The following ARHGAP25 variants were observed in gnomAD, a reference collection of about 807,000 sequenced individuals.
ARHGAP25 encodes the protein Rho GTPase activating protein 25.
In ARHGAP25, 34 loss-of-function variants were observed where a neutral mutation model predicts 71.0. The ratio of observed to expected loss-of-function variants is 0.48; its 90% CI spans 0.36 to 0.64. ARHGAP25 has a LOEUF of 0.64. Among genes scored for constraint, ARHGAP25 ranks in the 30% least tolerant of loss-of-function variants. The pLI, the probability that ARHGAP25 is intolerant of heterozygous loss-of-function variation, is 0.00. For missense variants in ARHGAP25, 706 were observed against 805.1 expected, an observed-to-expected ratio of 0.88 and a Z score of 1.49; for synonymous variants, 282 against 296.5, an observed-to-expected ratio of 0.95 and a Z score of 0.50.
intron 2 of ARHGAP25, among the ~76,000 whole-genome samples, chr2:68,779,803 C>T (rs1678189173): frequency 6.6e-6 from 1 of 152,202 alleles, no homozygotes; most frequent in South Asian, 2.1e-4. Context: ...TTCTTCCTTC[C>T]CTATCAGTGT....
At chr2:68,769,009 A>G (rs1677308179) in intron 1 of ARHGAP25, among the ~76,000 whole-genome samples, 1 of 152,166 alleles carries the variant, frequency 6.6e-6, no homozygotes, top group South Asian at 2.1e-4. Flanking sequence ...AGGCTACCTT[A>G]CCAGAGCCAC....
chr2:68,754,530 A>G (rs912101445), intron 1 of ARHGAP25, among the ~76,000 whole-genome samples: 1 of 152,246 alleles, frequency 6.6e-6, no homozygotes, highest in Non-Finnish European at 1.5e-5. Context: ...CATTACGAAT[A>G]AACTGTTGTA....
chr2:68,730,593 TG>T (rs1674996865), upstream of ARHGAP25, among the ~76,000 whole-genome samples: 1 of 150,154 alleles, frequency 6.7e-6, no homozygotes, highest in African/African-American at 2.5e-5. Context: ...GAGGCTGCAG[TG>T]AGCCATGATT....
intron 4 of ARHGAP25, among the ~76,000 whole-genome samples, chr2:68,805,858 G>A (rs1489629716): frequency 6.6e-6 from 1 of 152,184 alleles, no homozygotes; most frequent in African/African-American, 2.4e-5. Flanking sequence ...GCTGGGTGCA[G>A]CAGAGCCCTG....
intron 1 of ARHGAP25, 164 bp from the exon 2 acceptor site, chr2:68,775,057 C>T (rs1351592991): frequency 2.6e-6 from 4 of 1,526,764 alleles, no homozygotes; most frequent in Non-Finnish European, 3.5e-6. Context: ...GCTTCTCTGG[C>T]TCGGGGGGGA....
rs550417909 is a variant in ARHGAP25 at position 68,826,068 on chromosome 2, A to T, written c.1815A>T (p.Ala605=). The T allele has an allele frequency of 1.1e-5, 17 of 1,614,040 alleles. No homozygotes were observed. Among genetic ancestry groups the T allele is most frequent in the Non-Finnish European group, 1.4e-5 (17 of 1,180,032 alleles). The change falls in exon 11 of 11, where the codon GCA becomes GCT. Residue 605 remains alanine (A), a synonymous_variant. Transcript: ENST00000409202. The part of the protein sequence containing the change: ...EELEKEKKKS[A]ALEISLRNME... ...TGGAGAAGGAAAAGAAGAAGTCTGCAGCCCTAGAGATCAGCCTCCGCAACA... is the reference window on the plus strand; with the variant it reads ...TGGAGAAGGAAAAGAAGAAGTCTGCTGCCCTAGAGATCAGCCTCCGCAACA...
intron 2 of ARHGAP25, among the ~76,000 whole-genome samples, chr2:68,710,926 C>G (rs1222366750): frequency 1.3e-5 from 2 of 152,172 alleles, no homozygotes; most frequent in African/African-American, 4.8e-5. Context: ...CTACATCTCT[C>G]TAGTGTGGAC....
intron 1 of ARHGAP25, among the ~76,000 whole-genome samples, chr2:68,763,592 A>G (rs548246682): frequency 2.0e-5 from 3 of 152,294 alleles, no homozygotes; most frequent in Admixed American, 1.3e-4. Flanking sequence ...AATCTTTGAA[A>G]ACATAAGACT....
chr2:68,804,048 G>A (rs978790067), intron 4 of ARHGAP25, among the ~76,000 whole-genome samples: 12 of 152,138 alleles, frequency 7.9e-5, no homozygotes, highest in East Asian at 3.8e-4. Context: ...AAAAGTATGG[G>A]TCAGATTAAT....
chr2:68,800,200 G>T (rs1056026113), intron 4 of ARHGAP25, among the ~76,000 whole-genome samples: 3 of 151,848 alleles, frequency 2.0e-5, no homozygotes, highest in African/African-American at 2.4e-5. Flanking sequence ...GTGTATGGGG[G>T]TGGGGAGCTC....
At chr2:68,782,098 T>C (rs1013103039) in intron 2 of ARHGAP25, 135 bp from the exon 3 acceptor site, 1 of 742,262 alleles carries the variant, frequency 1.3e-6, no homozygotes, top group East Asian at 2.7e-5. Flanking sequence ...CCATTAAAAC[T>C]GGGAGGCTAG....
intron 10 of ARHGAP25, among the ~76,000 whole-genome samples, chr2:68,825,664 A>G (rs1473704486): frequency 3.3e-5 from 5 of 152,138 alleles, no homozygotes; most frequent in East Asian, 1.9e-4. Context: ...AGTCCCAGCT[A>G]CTAGGGAGGC....
chr2:68,724,101 G>T (rs1294254029), intron 2 of ARHGAP25, among the ~76,000 whole-genome samples: 1 of 152,134 alleles, frequency 6.6e-6, no homozygotes, highest in African/African-American at 2.4e-5. Context: ...CTCCATTGAT[G>T]AGCCACTGGG....
At chr2:68,716,007 T>C (rs1430019927) in intron 2 of ARHGAP25, among the ~76,000 whole-genome samples, 1 of 152,232 alleles carries the variant, frequency 6.6e-6, no homozygotes, top group Non-Finnish European at 1.5e-5. Flanking sequence ...GGGGCCCTTC[T>C]GGCGCCCTGC....
At chr2:68,741,626 G>A (rs1424945903) in intron 1 of ARHGAP25, among the ~76,000 whole-genome samples, 1 of 152,020 alleles carries the variant, frequency 6.6e-6, no homozygotes, top group Non-Finnish European at 1.5e-5. Flanking sequence ...GGCTGGTCTC[G>A]AACTCCTGGG....
chr2:68,822,266 C>T, intron 9 of ARHGAP25, 74 bp from the exon 10 acceptor site: 1 of 1,464,184 alleles, frequency 6.8e-7, no homozygotes, highest in Admixed American at 2.2e-5. Flanking sequence ...TTTGGGGTCT[C>T]TAATCCATAC....
At chr2:68,713,758 G>A (rs1674545195) in intron 2 of ARHGAP25, among the ~76,000 whole-genome samples, 1 of 152,168 alleles carries the variant, frequency 6.6e-6, no homozygotes. Flanking sequence ...AGATGATCAT[G>A]TGGTTTTTGT....
rs554827837 is a variant in ARHGAP25 at position 68,818,563 on chromosome 2, A to G, written c.1004-560A>G. On this transcript the variant is annotated intron_variant, in intron 8 of 10. Coordinates refer to ENST00000409202, the MANE Select transcript of ARHGAP25 (RefSeq NM_001007231.3). ...GGCTGGTCTCGAACTCCTGACCTCAAGTGATCTTCCCACCTCGGCCTCCCA... is the reference window on the plus strand; with the variant it reads ...GGCTGGTCTCGAACTCCTGACCTCAGGTGATCTTCCCACCTCGGCCTCCCA... Among the ~76,000 whole-genome samples the G allele has an allele frequency of 4.0e-3, 610 of 152,290 alleles. 3 individuals are homozygous for G. The highest frequency in any genetic ancestry group is 0.014 in the African/African-American group (591 of 41,562).
intron 1 of ARHGAP25, among the ~76,000 whole-genome samples, chr2:68,749,441 A>T (rs562458355): frequency 6.0e-4 from 91 of 152,220 alleles, no homozygotes; most frequent in African/African-American, 2.1e-3. Flanking sequence ...TCTCACATTC[A>T]TCCACTTCTC....
Sources: gnomAD v4.1 joint callset for allele counts (sites outside exome capture counted in the v4.1 genomes callset) on GRCh38, gnomAD v4.1.1 for gene constraint, MANE v1.5 for transcripts, NCBI Gene and HGNC (gene_info 2026-07-23, HGNC 2026-07-21) for gene names.